FER: variants seen among roughly 807,000 people sequenced by gnomAD.
The protein encoded by FER is tyrosine-protein kinase Fer.
In FER, 63 loss-of-function variants were observed where a neutral mutation model predicts 111.0. The ratio of observed to expected loss-of-function variants is 0.57; its 90% CI spans 0.46 to 0.70. The LOEUF is 0.70. FER is among the 30% of genes least tolerant of loss of function. The pLI is 0.00. For synonymous variants in FER, 327 were observed against 313.9 expected (o/e 1.04, Z -0.44); for missense variants, 914 against 954.0 (o/e 0.96, Z 0.55).
chr5:108,826,667 G>A (rs1580745702), intron 3 of FER, among the ~76,000 whole-genome samples: 1 of 152,298 alleles, frequency 6.6e-6, no homozygotes, highest in East Asian at 1.9e-4. Context: ...AGTTTGAAAA[G>A]GACTGATGTC....
At chr5:108,863,974 TA>T (rs1169788866) in intron 5 of FER, among the ~76,000 whole-genome samples, 38 of 152,352 alleles carry the variant, frequency 2.5e-4, no homozygotes, top group South Asian at 6.2e-4. Flanking sequence ...CCTGCCACTC[TA>T]GTTTTAGAAC....
rs1231986762 is a variant in FER at position 109,192,803 on chromosome 5, G to A, written c.*5228G>A. The A allele has an allele frequency of 6.6e-6, 1 of 152,064 alleles. No individual in the cohort carries two copies. The highest frequency in any genetic ancestry group is 1.5e-5 in the Non-Finnish European group (1 of 68,022). The allele number at this position is 152,064 out of a possible 1,614,324, so 9.4% of individuals were successfully genotyped here. On this transcript the variant is annotated 3_prime_UTR_variant, in exon 20 of 20. Transcript: ENST00000281092. ...AGCTTACTATGATGAGAGCTACTGT[G>A]GGGAAACATAGTATTCAACAGAGAA... is the stretch of plus-strand genomic sequence containing the variant.
chr5:109,116,953 A>T (rs904553271), intron 17 of FER, among the ~76,000 whole-genome samples: 2 of 152,104 alleles, frequency 1.3e-5, no homozygotes, highest in Admixed American at 6.6e-5. Context: ...TTTTAAGTTT[A>T]TGATTTTGCT....
At chr5:109,181,550 A>G (rs527464232) in intron 18 of FER, among the ~76,000 whole-genome samples, 2 of 152,346 alleles carry the variant, frequency 1.3e-5, no homozygotes, top group South Asian at 4.1e-4. Context: ...AAATAAAATT[A>G]GAAATTATAT....
At chr5:109,003,445 A>G (rs1765079799) in intron 13 of FER, among the ~76,000 whole-genome samples, 1 of 152,146 alleles carries the variant, frequency 6.6e-6, no homozygotes, top group Non-Finnish European at 1.5e-5. Flanking sequence ...GAAGGGGAAC[A>G]TCACACTCTG....
chr5:108,939,387 A>G (rs1044988257), intron 10 of FER, among the ~76,000 whole-genome samples: 1 of 152,104 alleles, frequency 6.6e-6, no homozygotes, highest in Non-Finnish European at 1.5e-5. Context: ...AGCCTACTAT[A>G]TTAGTTCTAT....
chr5:109,177,017 T>C (rs1046298102), intron 17 of FER, among the ~76,000 whole-genome samples: 3 of 152,222 alleles, frequency 2.0e-5, no homozygotes, highest in Admixed American at 1.3e-4. Flanking sequence ...ATGAGTCAAA[T>C]GAAACTGGCA....
chr5:108,898,450 C>T (rs1214993123), intron 10 of FER, among the ~76,000 whole-genome samples: 2 of 150,930 alleles, frequency 1.3e-5, no homozygotes, highest in East Asian at 3.9e-4. Flanking sequence ...CTCTTCTTTG[C>T]TCCCCTCTCT....
intron 15 of FER, among the ~76,000 whole-genome samples, chr5:109,046,038 T>C (rs1229031779): frequency 6.6e-6 from 1 of 151,984 alleles, no homozygotes; most frequent in Non-Finnish European, 1.5e-5. Flanking sequence ...TGTGTTGAGG[T>C]TTTTTTTCTT....
At chr5:109,005,147 G>A (rs955678639) in intron 13 of FER, among the ~76,000 whole-genome samples, 1 of 152,058 alleles carries the variant, frequency 6.6e-6, no homozygotes, top group Non-Finnish European at 1.5e-5. Context: ...TGATGCAGCT[G>A]CCCTAAACAC....
chr5:108,856,532 A>T (rs1763024380), intron 5 of FER, among the ~76,000 whole-genome samples: 1 of 152,068 alleles, frequency 6.6e-6, no homozygotes, highest in East Asian at 1.9e-4. Flanking sequence ...TAAATTAATG[A>T]TGATCTCTAC....
In FER at chr5:108,946,233, T is replaced by C; in HGVS notation, c.1329+11T>C. The C allele has an allele frequency of 6.3e-7, 1 of 1,586,990 alleles. No homozygotes were observed. On this transcript the variant is annotated intron_variant, in intron 11 of 19. Transcript: ENST00000281092. ...CTGGGCTCTTCAGCAGTAAGTAGGA[T>C]TAACTCTCTGTGCTACTGAAAATGG...
At chr5:108,877,588 T>C (rs1427236996) in intron 8 of FER, among the ~76,000 whole-genome samples, 1 of 152,208 alleles carries the variant, frequency 6.6e-6, no homozygotes, top group African/African-American at 2.4e-5. Context: ...AAGAAAGAGA[T>C]GGCAAGAAAT....
intron 3 of FER, chr5:108,820,371 C>A: frequency 1.0e-6 from 1 of 985,266 alleles, no homozygotes; most frequent in Non-Finnish European, 1.2e-6. Flanking sequence ...TGAGGTTAGG[C>A]GATTTACTTC....
chr5:108,853,751 T>C (rs1379444265), intron 5 of FER, among the ~76,000 whole-genome samples: 1 of 152,148 alleles, frequency 6.6e-6, no homozygotes, highest in Non-Finnish European at 1.5e-5. Context: ...GATGCATAGA[T>C]TATGTAGGAT....
At chr5:108,955,236 G>A (rs1304543052) in intron 12 of FER, among the ~76,000 whole-genome samples, 1 of 151,730 alleles carries the variant, frequency 6.6e-6, no homozygotes, top group African/African-American at 2.4e-5. Flanking sequence ...TAAAAACAAT[G>A]TGATTATTAT....
intron 10 of FER, among the ~76,000 whole-genome samples, chr5:108,918,776 C>T (rs550775507): frequency 6.0e-5 from 9 of 151,234 alleles, no homozygotes; most frequent in Non-Finnish European, 1.0e-4. Flanking sequence ...CGTGAGCCAC[C>T]GCGCCCCGCC....
At chr5:108,926,297 A>G (rs1446801704) in intron 10 of FER, among the ~76,000 whole-genome samples, 1 of 151,748 alleles carries the variant, frequency 6.6e-6, no homozygotes, top group African/African-American at 2.4e-5. Flanking sequence ...TTTATTTGTT[A>G]TTTTTGAAAT....
intron 1 of FER, among the ~76,000 whole-genome samples, chr5:108,753,676 T>C (rs1210680392): frequency 6.6e-6 from 1 of 152,238 alleles, no homozygotes; most frequent in Non-Finnish European, 1.5e-5. Context: ...AGTTGTGTCT[T>C]TTCCACCTCC....
Sources: gnomAD v4.1 joint callset for allele counts (sites outside exome capture counted in the v4.1 genomes callset) on GRCh38, gnomAD v4.1.1 for gene constraint, MANE v1.5 for transcripts, NCBI Gene and HGNC (gene_info 2026-07-23, HGNC 2026-07-21) for gene names.